The following SECISBP2 variants were observed in gnomAD, a reference collection of about 807,000 sequenced individuals.
SECISBP2 encodes SECIS binding protein 2, also known as selenocysteine insertion sequence-binding protein 2.
Under a neutral mutation model 98.2 loss-of-function variants are expected in SECISBP2, and 96 were observed. The observed-to-expected ratio is 0.98, with a 90% CI of 0.83 to 1.16. SECISBP2 has a LOEUF of 1.16. Among genes scored for constraint, SECISBP2 ranks in the 50% most tolerant of loss-of-function variants. The pLI is 0.00. For synonymous variants in SECISBP2, 407 were observed against 370.2 expected (o/e 1.10, Z -1.14); for missense variants, 1,046 against 1,022.9 (o/e 1.02, Z -0.31).
chr9:89,356,267 G>A (rs1832058329), intron 14 of SECISBP2, among the ~76,000 whole-genome samples: 1 of 152,246 alleles, frequency 6.6e-6, no homozygotes, highest in Non-Finnish European at 1.5e-5. Flanking sequence ...ATGATCTGAG[G>A]TGGAACAGTT....
At chr9:89,320,005 A>G (rs1236181862) in intron 2 of SECISBP2, among the ~76,000 whole-genome samples, 1 of 151,750 alleles carries the variant, frequency 6.6e-6, no homozygotes, top group Non-Finnish European at 1.5e-5. Flanking sequence ...TTTTCTTCAT[A>G]CTCATTGTTA....
At chr9:89,333,095 C>T in intron 6 of SECISBP2, 109 bp downstream of exon 6, 1 of 915,274 alleles carries the variant, frequency 1.1e-6, no homozygotes, top group Non-Finnish European at 1.8e-6. Context: ...CTTAAGACAG[C>T]TAATGAATTG....
chr9:89,350,966 T>C lies in SECISBP2; in HGVS notation c.2113+114T>C. ...TGCCACAGGTCTTGACAACTCGTTT[T>C]CTTTGTGGTTTTTGTTTTTATTGAG... On this transcript the variant is annotated intron_variant, in intron 14 of 16. Transcript: ENST00000375807. 6 of 871,300 alleles carry C rather than the reference T, an allele frequency of 6.9e-6. No homozygotes were observed. The South Asian group carries it at 7.0e-5, about 10-fold the overall frequency. 54.0% of individuals were successfully genotyped at this position (871,300 alleles called of 1,614,324 possible).
chr9:89,366,278 G>T, the SECISBP2 span, among the ~76,000 whole-genome samples: 1 of 152,206 alleles, frequency 6.6e-6, no homozygotes, highest in Non-Finnish European at 1.5e-5. Flanking sequence ...CCTCTGGATG[G>T]TTAAATTTGG....
chr9:89,319,612 C>T, intron 1 of SECISBP2, 40 bp from the exon 2 acceptor site: 6 of 1,611,708 alleles, frequency 3.7e-6, no homozygotes, highest in African/African-American at 1.3e-5. Flanking sequence ...TTTGCTTGAT[C>T]TCTGAATGTT....
intron 14 of SECISBP2, among the ~76,000 whole-genome samples, 194 bp downstream of exon 14, chr9:89,351,046 A>G (rs1438447955): frequency 1.3e-5 from 2 of 152,220 alleles, no homozygotes; most frequent in Non-Finnish European, 2.9e-5. Context: ...TCTGTAGGGC[A>G]GGTGGGTCCT....
chr9:89,328,599 G>A, intron 4 of SECISBP2, 61 bp from the exon 5 acceptor site: 1 of 1,379,046 alleles, frequency 7.3e-7, no homozygotes, highest in South Asian at 1.2e-5. Flanking sequence ...ATTTTTGCTT[G>A]CATACTGGTC....
At chr9:89,335,938 C>T (rs574042508) in intron 7 of SECISBP2, among the ~76,000 whole-genome samples, 178 of 152,118 alleles carry the variant, frequency 1.2e-3, no homozygotes, top group Middle Eastern at 3.4e-3. Flanking sequence ...TTTACCAGTA[C>T]AAGAGTACTA....
chr9:89,340,320 G>A (rs995022335), intron 9 of SECISBP2, among the ~76,000 whole-genome samples: 1 of 152,144 alleles, frequency 6.6e-6, no homozygotes, highest in Non-Finnish European at 1.5e-5. Context: ...ATGTCTGACA[G>A]AAGAAAAATA....
chr9:89,327,733 C>T (rs1288114755), intron 4 of SECISBP2, among the ~76,000 whole-genome samples: 1 of 152,006 alleles, frequency 6.6e-6, no homozygotes, highest in Non-Finnish European at 1.5e-5. Context: ...CCTGTGATAA[C>T]AATGCCTTAT....
intron 2 of SECISBP2, chr9:89,322,439 TTAC>T (rs796481763): frequency 2.6e-5 from 4 of 152,372 alleles, no homozygotes; most frequent in African/African-American, 9.6e-5. Context: ...TCTTTCATAG[TTAC>T]TACAATCCAT....
In SECISBP2 at chr9:89,346,936, G is replaced by T. The variant is rs200455001; in HGVS notation, c.1490G>T (p.Arg497Leu). ...TGTGCATCAGGGGAGAGAGGCCGCC[G>T]CATGAGTCAAATGAAGACCCCGCAC... is the stretch of plus-strand genomic sequence containing the variant. The part of the protein sequence containing the change: ...KECASGERGR[R>L]MSQMKTPHNP... Residue 497 changes from arginine to leucine, a missense_variant, in exon 11 of 17, where the codon CGC becomes CTC. By Grantham distance (102) the Arg-to-Leu change is moderately radical. Coordinates refer to ENST00000375807, the MANE Select transcript of SECISBP2 (RefSeq NM_024077.5). The T allele has an allele frequency of 6.8e-6, 11 of 1,614,128 alleles. No homozygotes were observed. Among genetic ancestry groups the T allele is most frequent in the Non-Finnish European group, 8.5e-6 (10 of 1,180,024 alleles).
At chr9:89,358,663 CA>C in intron 16 of SECISBP2, 57 bp from the exon 17 acceptor site, 1 of 1,151,368 alleles carries the variant, frequency 8.7e-7, no homozygotes, top group Non-Finnish European at 1.3e-6. Flanking sequence ...GGTTTTCTTA[CA>C]GGAGTTTTCC....
chr9:89,362,618 G>C (rs1370461935), downstream of SECISBP2, among the ~76,000 whole-genome samples: 2 of 152,244 alleles, frequency 1.3e-5, no homozygotes, highest in African/African-American at 4.8e-5. Flanking sequence ...CAGGAAGGCA[G>C]AGCAGCAGCG....
intron 14 of SECISBP2, chr9:89,355,137 AC>A (rs1290296732): frequency 1.0e-4 from 99 of 985,336 alleles, no homozygotes; most frequent in Non-Finnish European, 1.2e-4. Flanking sequence ...CCCAGTTTCC[AC>A]AGTATGGTAG....
chr9:89,336,539 C>T (rs1828747658), intron 7 of SECISBP2, among the ~76,000 whole-genome samples: 1 of 152,150 alleles, frequency 6.6e-6, no homozygotes, highest in Non-Finnish European at 1.5e-5. Context: ...GCCCATTCCA[C>T]ATAAATGGTA....
intron 10 of SECISBP2, among the ~76,000 whole-genome samples, chr9:89,343,734 T>G (rs1198584993): frequency 6.6e-6 from 1 of 152,242 alleles, no homozygotes; most frequent in African/African-American, 2.4e-5. Flanking sequence ...CTTTATCCAG[T>G]GTACTGTTGC....
At chr9:89,319,893 C>T (rs1825413490) in intron 2 of SECISBP2, 96 bp downstream of exon 2, 3 of 1,281,866 alleles carry the variant, frequency 2.3e-6, no homozygotes, top group East Asian at 4.6e-5. Context: ...CACTAAAGTT[C>T]TGCAGATGAT....
chr9:89,344,920 T>C (rs1308234515), intron 10 of SECISBP2, among the ~76,000 whole-genome samples: 1 of 152,194 alleles, frequency 6.6e-6, no homozygotes, highest in Non-Finnish European at 1.5e-5. Context: ...AAAATATGTA[T>C]TTACCAGTTT....
Sources: allele counts gnomAD v4.1 joint callset (sites outside exome capture counted in the v4.1 genomes callset), GRCh38; gene constraint gnomAD v4.1.1; transcripts MANE v1.5; gene names NCBI Gene and HGNC (gene_info 2026-07-23, HGNC 2026-07-21).